Variants in DNAJC5 observed in about 807,000 individuals in gnomAD.
DNAJC5 encodes the protein DnaJ heat shock protein family (Hsp40) member C5.
Under a neutral mutation model 23.2 loss-of-function variants are expected in DNAJC5, and 1 was observed. That is an observed-to-expected ratio of 0.04 (90% CI 0.02 to 0.20). The LOEUF (loss-of-function observed/expected upper bound fraction) is 0.20. Ranked by LOEUF, DNAJC5 falls within the 10% of genes least tolerant of loss-of-function variation. DNAJC5 has a pLI of 1.00. For missense variants in DNAJC5, 180 were observed against 267.0 expected, an observed-to-expected ratio of 0.67 and a Z score of 2.27; for synonymous variants, 136 against 120.0, an observed-to-expected ratio of 1.13 and a Z score of -0.87.
At chr20:63,895,500 C>T (rs2053368365) in intron 1 of DNAJC5, among the ~76,000 whole-genome samples, 177 bp downstream of exon 1, 1 of 143,876 alleles carries the variant, frequency 7.0e-6, no homozygotes. Context: ...CGGCCTGGGC[C>T]GGGGCGGGGG....
chr20:63,915,596 A>G (rs73916669), intron 1 of DNAJC5, among the ~76,000 whole-genome samples: 12,414 of 152,200 alleles, frequency 0.082, 560 homozygotes, highest in East Asian at 0.13. Context: ...GGAGACGCCT[A>G]CCCTTATCAG....
In DNAJC5 at chr20:63,899,183, A is replaced by G. The variant is rs1046405019; in HGVS notation, c.-12+3860A>G. Among the ~76,000 whole-genome samples the G allele has an allele frequency of 5.3e-5, 8 of 152,202 alleles. 1 individual carries two copies. In the South Asian group the frequency reaches 1.4e-3, roughly 28 times the overall value. ...AGGTGTCTCATCACCTGCTTCCTAA[A>G]TAGAAGGGACAAAGAGGCTGAAAAA... On this transcript the variant is annotated intron_variant, in intron 1 of 4. Coordinates refer to ENST00000360864, the MANE Select transcript of DNAJC5 (RefSeq NM_025219.3).
At chr20:63,918,908 A>G (rs2053538425) in intron 1 of DNAJC5, among the ~76,000 whole-genome samples, 1 of 152,224 alleles carries the variant, frequency 6.6e-6, no homozygotes, top group Non-Finnish European at 1.5e-5. Context: ...TGTTCCATAT[A>G]TTTCTTTCTG....
rs1256009702 is a variant in DNAJC5 at position 63,931,290 on chromosome 20, C to T, written c.494-175C>T. The T allele has an allele frequency of 1.3e-5, 10 of 799,640 alleles. No individual in the cohort carries two copies. Among genetic ancestry groups the T allele is most frequent in the African/African-American group, 3.4e-5 (2 of 59,150 alleles). 49.5% of individuals were successfully genotyped at this position (799,640 alleles called of 1,614,324 possible). A position where few individuals can be genotyped will look rare whatever the true frequency, so the allele number is the denominator to read the frequency against. ...AGGCAGTTGGGGCGGGGCTGAGGGC[C>T]GAGGGCTGGCGGTGACCCAAGGCGA... On this transcript the variant is annotated intron_variant, in intron 4 of 4. Coordinates refer to ENST00000360864, the MANE Select transcript of DNAJC5 (RefSeq NM_025219.3). This position sits in a 1 kb window ranked among gnomAD's most constrained non-coding sequence, Gnocchi z 9.6.
At chr20:63,907,682 GAT>G (rs2053456455) in intron 1 of DNAJC5, among the ~76,000 whole-genome samples, 1 of 152,228 alleles carries the variant, frequency 6.6e-6, no homozygotes, top group Admixed American at 6.5e-5. Context: ...ACTCAAAGCA[GAT>G]ATCACAAGTT....
chr20:63,911,896 T>A (rs949645636), intron 1 of DNAJC5, among the ~76,000 whole-genome samples: 3 of 151,948 alleles, frequency 2.0e-5, no homozygotes, highest in African/African-American at 7.2e-5. Flanking sequence ...CCCAGAATGA[T>A]CAAACTTCTA....
chr20:63,903,637 T>C (rs1174025405), intron 1 of DNAJC5, among the ~76,000 whole-genome samples: 3 of 152,118 alleles, frequency 2.0e-5, no homozygotes, highest in Admixed American at 1.3e-4. Flanking sequence ...GCTCTTCGTA[T>C]AGAAATTTTT....
chr20:63,907,850 C>G (rs2053457406), intron 1 of DNAJC5, among the ~76,000 whole-genome samples: 2 of 152,238 alleles, frequency 1.3e-5, no homozygotes, highest in African/African-American at 4.8e-5. Context: ...ATTGCATCCT[C>G]TGCCTCCCGG....
chr20:63,915,492 T>C (rs1429242130), intron 1 of DNAJC5, among the ~76,000 whole-genome samples: 1 of 151,574 alleles, frequency 6.6e-6, no homozygotes, highest in Non-Finnish European at 1.5e-5. Context: ...AACTGTGAAC[T>C]GGAAGATACT....
At chr20:63,899,218 T>C (rs1256013712) in intron 1 of DNAJC5, among the ~76,000 whole-genome samples, 1 of 152,162 alleles carries the variant, frequency 6.6e-6, no homozygotes, top group Non-Finnish European at 1.5e-5. Context: ...ACAGTAATAG[T>C]CTTGTTTTAT....
At chr20:63,910,425 C>G (rs1454673175) in intron 1 of DNAJC5, among the ~76,000 whole-genome samples, 1 of 151,866 alleles carries the variant, frequency 6.6e-6, no homozygotes, top group Non-Finnish European at 1.5e-5. Flanking sequence ...TGCCTGTAGT[C>G]CCAGCTACTC....
chr20:63,901,824 A>C (rs921746510), intron 1 of DNAJC5, among the ~76,000 whole-genome samples: 1 of 152,186 alleles, frequency 6.6e-6, no homozygotes, highest in East Asian at 1.9e-4. Context: ...TAACGAAGGA[A>C]ATTCTGGGTC....
intron 1 of DNAJC5, among the ~76,000 whole-genome samples, chr20:63,926,011 T>G (rs958200006): frequency 1.3e-5 from 2 of 151,920 alleles, no homozygotes; most frequent in Admixed American, 6.6e-5. Context: ...TGTATTTTTA[T>G]TAGAGATGGG....
intron 1 of DNAJC5, among the ~76,000 whole-genome samples, chr20:63,923,513 C>T (rs1049572826): frequency 2.0e-5 from 3 of 151,688 alleles, no homozygotes; most frequent in Non-Finnish European, 2.9e-5. Context: ...CTGTAGCAGG[C>T]GGATTGCTTG....
At chr20:63,926,752 G>A (rs1026768386) in intron 1 of DNAJC5, among the ~76,000 whole-genome samples, 14 of 152,188 alleles carry the variant, frequency 9.2e-5, no homozygotes, top group Non-Finnish European at 1.5e-4. Flanking sequence ...GGACTGGGAC[G>A]ACACTCACCT....
At chr20:63,908,538 A>G (rs2053461870) in intron 1 of DNAJC5, among the ~76,000 whole-genome samples, 1 of 152,194 alleles carries the variant, frequency 6.6e-6, no homozygotes. Context: ...GAACAGGGCA[A>G]AGGTCACTAA....
Position 63,920,267 on chromosome 20 carries a change from A to G in DNAJC5, c.-11-8068A>G, listed in dbSNP as rs1479043694. Among the ~76,000 whole-genome samples, 1 of 152,228 alleles carries G rather than the reference A, an allele frequency of 6.6e-6. No homozygotes were observed. Among genetic ancestry groups the G allele is most frequent in the Non-Finnish European group, 1.5e-5 (1 of 68,034 alleles). On this transcript the variant is annotated intron_variant, in intron 1 of 4. Transcript: ENST00000360864. This position sits in a 1 kb window ranked among gnomAD's most constrained non-coding sequence, Gnocchi z 4.6. ...CAGGGAGCAGGGCAGGGTGTTGAAGAGACGGCAGGTGCGTCAGGGGCTGAC... is the reference window on the plus strand; with the variant it reads ...CAGGGAGCAGGGCAGGGTGTTGAAGGGACGGCAGGTGCGTCAGGGGCTGAC...
At chr20:63,901,329 G>A (rs2053409970) in intron 1 of DNAJC5, among the ~76,000 whole-genome samples, 1 of 152,204 alleles carries the variant, frequency 6.6e-6, no homozygotes, top group South Asian at 2.1e-4. Flanking sequence ...AGATGGAATC[G>A]ACTTCCCAGC....
At chr20:63,924,837 G>A (rs941798169) in intron 1 of DNAJC5, among the ~76,000 whole-genome samples, 17 of 152,222 alleles carry the variant, frequency 1.1e-4, no homozygotes, top group Non-Finnish European at 1.5e-5. Context: ...GGGGACCCCT[G>A]GCCAGTGATG....
Sources: gnomAD v4.1 joint callset for allele counts (sites outside exome capture counted in the v4.1 genomes callset) on GRCh38, gnomAD v4.1.1 for gene constraint, Gnocchi (gnomAD v3.1) non-coding constraint, MANE v1.5 for transcripts, NCBI Gene and HGNC (gene_info 2026-07-23, HGNC 2026-07-21) for gene names.